MYO16: variants seen among roughly 807,000 people sequenced by gnomAD.
The protein encoded by MYO16 is myosin XVI.
In MYO16, 94 loss-of-function variants were observed where a neutral mutation model predicts 205.3. That is an observed-to-expected ratio of 0.46 (90% confidence interval 0.39 to 0.54). MYO16 has a LOEUF of 0.54. MYO16 is among the 20% of genes least tolerant of loss of function. The probability of loss-of-function intolerance (pLI) is 0.00; values close to 1 mark genes in which losing one functional copy is unlikely to be tolerated. For missense variants in MYO16, 2,315 were observed against 2,387.5 expected (o/e 0.97, Z 0.63); for synonymous variants, 988 against 954.0 (o/e 1.04, Z -0.66).
chr13:108,911,560 G>A lies in MYO16; in HGVS notation c.1925+1410G>A, dbSNP rs187730919. The stretch of plus-strand genomic sequence containing the variant: ...AGGATCTCAGATTAGAGTTGTATGG[G>A]AAAGAGGGAGGGTAATAGAGACAAC... On this transcript the variant is annotated intron_variant, in intron 16 of 34. Coordinates refer to ENST00000457511, the MANE Select transcript of MYO16 (RefSeq NM_001198950.3). Among the ~76,000 whole-genome samples, 209 of 152,288 alleles carry A rather than the reference G, an allele frequency of 1.4e-3. 1 individual carries two copies. Among genetic ancestry groups the A allele is most frequent in the African/African-American group, 4.8e-3 (199 of 41,558 alleles).
intron 27 of MYO16, among the ~76,000 whole-genome samples, chr13:109,060,547 A>G (rs897553754): frequency 4.4e-4 from 67 of 152,038 alleles, no homozygotes; most frequent in African/African-American, 1.6e-3. Flanking sequence ...GGGGCTTAAA[A>G]CCTAGATGAC....
intron 1 of MYO16, among the ~76,000 whole-genome samples, chr13:108,601,419 T>A (rs1270742300): frequency 1.3e-5 from 2 of 152,158 alleles, no homozygotes; most frequent in Non-Finnish European, 1.5e-5. Context: ...ATATATAAAT[T>A]ATATGCAGAC....
At chr13:108,591,619 A>G (rs1040448127), upstream of MYO16, among the ~76,000 whole-genome samples, 4 of 152,170 alleles carry the variant, frequency 2.6e-5, no homozygotes, top group African/African-American at 9.7e-5. Flanking sequence ...TTTTCCTAAC[A>G]ATATTGGACA....
chr13:109,144,008 G>C (rs1877215586), intron 32 of MYO16, among the ~76,000 whole-genome samples: 1 of 148,624 alleles, frequency 6.7e-6, no homozygotes, highest in South Asian at 2.2e-4. Flanking sequence ...CTATACAGTT[G>C]AGAAGTGTAT....
At chr13:108,676,210 A>G (rs1771389500) in intron 2 of MYO16, among the ~76,000 whole-genome samples, 1 of 152,194 alleles carries the variant, frequency 6.6e-6, no homozygotes, top group Non-Finnish European at 1.5e-5. Context: ...AAGGCTGAAG[A>G]TAGACACATA....
intron 20 of MYO16, among the ~76,000 whole-genome samples, chr13:108,969,468 A>C (rs950951928): frequency 6.6e-6 from 1 of 152,294 alleles, no homozygotes; most frequent in East Asian, 1.9e-4. Context: ...ATGAACAGGG[A>C]TGCCATGGAT....
chr13:108,645,909 C>G (rs7337703), intron 1 of MYO16, among the ~76,000 whole-genome samples: 20,843 of 152,114 alleles, frequency 0.14, 2,794 homozygotes, highest in African/African-American at 0.34. Flanking sequence ...TCAGACTGAA[C>G]AGAGCATAAG....
intron 33 of MYO16, among the ~76,000 whole-genome samples, chr13:109,177,329 C>T (rs1418083094): frequency 1.3e-5 from 2 of 152,160 alleles, no homozygotes; most frequent in Admixed American, 1.3e-4. Flanking sequence ...GACTTTTCTT[C>T]GTTCTTCCTT....
At chr13:109,194,610 G>A (rs1880067433) in intron 34 of MYO16, among the ~76,000 whole-genome samples, 1 of 152,200 alleles carries the variant, frequency 6.6e-6, no homozygotes, top group Non-Finnish European at 1.5e-5. Flanking sequence ...TGACTGTAGG[G>A]AAGAAAAGTA....
At chr13:109,163,175 G>A (rs974115694) in intron 32 of MYO16, among the ~76,000 whole-genome samples, 2 of 152,182 alleles carry the variant, frequency 1.3e-5, no homozygotes, top group Non-Finnish European at 2.9e-5. Flanking sequence ...GGGCAGAACA[G>A]GCTGTGCTCT....
intron 8 of MYO16, among the ~76,000 whole-genome samples, chr13:108,821,159 C>T (rs1043728030): frequency 6.6e-6 from 1 of 151,948 alleles, no homozygotes; most frequent in African/African-American, 2.4e-5. Flanking sequence ...TTTATAAATA[C>T]ATTATTCCTC....
intron 1 of MYO16, among the ~76,000 whole-genome samples, chr13:108,651,535 T>G (rs1245240966): frequency 6.6e-6 from 1 of 152,206 alleles, no homozygotes; most frequent in Non-Finnish European, 1.5e-5. Context: ...ATACAGTAAT[T>G]TTTATGTCAT....
intron 9 of MYO16, among the ~76,000 whole-genome samples, chr13:108,838,486 AC>A (rs927725430): frequency 5.9e-4 from 88 of 149,736 alleles, no homozygotes; most frequent in African/African-American, 2.0e-3. Context: ...TCATAATGAA[AC>A]CCTGTCTCTA....
In MYO16 at chr13:108,663,425, G is replaced by A. The variant is rs150731026; in HGVS notation, c.29-2461G>A. 3.9e-3 allele frequency among the ~76,000 whole-genome samples: 598 copies of A among 151,918 alleles called. 6 individuals carry two copies. Among genetic ancestry groups the A allele is most frequent in the African/African-American group, 0.014 (566 of 41,430 alleles). ...TTAGATTAAAAGAAAGTCAAAATGCGCAATAAATTTTCAGATTACAAAAGA... is the reference window on the plus strand; with the variant it reads ...TTAGATTAAAAGAAAGTCAAAATGCACAATAAATTTTCAGATTACAAAAGA... On this transcript the variant is annotated intron_variant, in intron 1 of 34. Coordinates refer to ENST00000457511, the MANE Select transcript of MYO16 (RefSeq NM_001198950.3).
At chr13:108,938,483 A>G (rs76130231) in intron 16 of MYO16, among the ~76,000 whole-genome samples, 4,894 of 152,310 alleles carry the variant, frequency 0.032, 93 homozygotes, top group Non-Finnish European at 0.048. Flanking sequence ...GGGAGAATCC[A>G]GTGGATGGCC....
chr13:109,023,439 A>ACAGATATAAATATATATTTATATATTC (rs1886193129), intron 23 of MYO16, among the ~76,000 whole-genome samples: 1 of 90,944 alleles, frequency 1.1e-5, no homozygotes. Flanking sequence ...TTTATATATT[A>ACAGATATAAATATATATTTATATATTC]TACAGATATA....
chr13:108,674,545 A>T (rs1882121378), intron 2 of MYO16, among the ~76,000 whole-genome samples: 1 of 152,168 alleles, frequency 6.6e-6, no homozygotes, highest in Non-Finnish European at 1.5e-5. Context: ...CAGCTACATA[A>T]ATTGGCAGTT....
chr13:108,897,872 G>A (rs1322577244), intron 14 of MYO16, 144 bp from the exon 15 acceptor site: 5 of 662,350 alleles, frequency 7.5e-6, no homozygotes, highest in African/African-American at 5.5e-5. Flanking sequence ...GGAAAAAGGG[G>A]TCTTAAAAAT....
intron 28 of MYO16, among the ~76,000 whole-genome samples, chr13:109,118,986 A>C (rs1475378155): frequency 6.6e-6 from 1 of 152,192 alleles, no homozygotes; most frequent in Non-Finnish European, 1.5e-5. Flanking sequence ...AGCTTTCCCC[A>C]TTGATCTAAC....
Sources: gnomAD v4.1 joint callset for allele counts (sites outside exome capture counted in the v4.1 genomes callset) on GRCh38, gnomAD v4.1.1 for gene constraint, MANE v1.5 for transcripts, NCBI Gene and HGNC (gene_info 2026-07-23, HGNC 2026-07-21) for gene names.